The following ALDH1L2 variants were observed in gnomAD, a reference collection of about 807,000 sequenced individuals.
The protein encoded by ALDH1L2 is aldehyde dehydrogenase 1 family member L2, also known as mitochondrial 10-formyltetrahydrofolate dehydrogenase.
In ALDH1L2, 91 loss-of-function variants were observed where a neutral mutation model predicts 111.0. The ratio of observed to expected loss-of-function variants is 0.82; its 90% CI spans 0.69 to 0.98. ALDH1L2 has a LOEUF of 0.98. Ranked by LOEUF, ALDH1L2 falls within the 50% of genes least tolerant of loss-of-function variation. The pLI, the probability that ALDH1L2 is intolerant of heterozygous loss-of-function variation, is 0.00. For synonymous variants in ALDH1L2, 374 were observed against 392.6 expected (o/e 0.95, Z 0.56); for missense variants, 995 against 1,126.8 (o/e 0.88, Z 1.67).
chr12:105,029,047 G>T (rs1405698433), intron 21 of ALDH1L2, among the ~76,000 whole-genome samples: 2 of 137,076 alleles, frequency 1.5e-5, no homozygotes, highest in African/African-American at 5.6e-5. Context: ...TTTTTTTAGA[G>T]GCCAGGCATT....
At chr12:105,069,469 T>G (rs73393861) in intron 3 of ALDH1L2, among the ~76,000 whole-genome samples, 1 of 152,156 alleles carries the variant, frequency 6.6e-6, no homozygotes, top group Non-Finnish European at 1.5e-5. Context: ...TCAGAAATAC[T>G]AAGAAATTGA....
rs1875468988 is a variant in ALDH1L2, at chr12:105,040,506, TAC to T, written c.1951+99_1951+100del. 3.6e-5 allele frequency: 38 copies of T among 1,051,580 alleles called. No homozygotes were observed. The South Asian group carries it at 4.7e-4, about 13-fold the overall frequency. 65.1% of individuals were successfully genotyped at this position (1,051,580 alleles called of 1,614,324 possible). A position where few individuals can be genotyped will look rare whatever the true frequency, so the allele number is the denominator to read the frequency against. On this transcript the variant is annotated intron_variant, in intron 16 of 22. Transcript: ENST00000258494. ...TTTGGTGAATTGTATTTAGTTTTAA[TAC>T]AGTTATAATTCAGGACAAGTCTCTA... is the stretch of plus-strand genomic sequence containing the variant.
chr12:105,036,374 T>C (rs189406275), intron 18 of ALDH1L2, among the ~76,000 whole-genome samples: 1 of 92,278 alleles, frequency 1.1e-5, no homozygotes, highest in Non-Finnish European at 1.9e-5. Flanking sequence ...ATTATATATA[T>C]ACGTATATTT....
intron 15 of ALDH1L2, among the ~76,000 whole-genome samples, chr12:105,045,209 G>C (rs1472291309): frequency 6.6e-6 from 1 of 152,064 alleles, no homozygotes; most frequent in Non-Finnish European, 1.5e-5. Context: ...TCAGCCTCTG[G>C]AGTAGCTGGG....
intron 22 of ALDH1L2, 26 bp from the exon 23 acceptor site, chr12:105,024,505 G>A: frequency 6.2e-7 from 1 of 1,610,716 alleles, no homozygotes; most frequent in Non-Finnish European, 8.5e-7. Flanking sequence ...GCAGTTGACA[G>A]ACCACATTCA....
At chr12:105,032,323 G>A (rs985423897) in intron 19 of ALDH1L2, among the ~76,000 whole-genome samples, 1 of 151,784 alleles carries the variant, frequency 6.6e-6, no homozygotes, top group African/African-American at 2.4e-5. Context: ...GATTACAGGC[G>A]CCTGCCACTG....
rs112388743 is a variant in ALDH1L2 at position 105,049,826 on chromosome 12, AAG to A, written c.1686+80_1686+81del. On this transcript the variant is annotated intron_variant, in intron 13 of 22. Coordinates refer to ENST00000258494, the MANE Select transcript of ALDH1L2 (RefSeq NM_001034173.4). ...GTTGGTGTAAAAAAATCTACATAAA[AAG>A]AGGATCTGACACAGTGCCTGGTACA... is the stretch of plus-strand genomic sequence containing the variant. 6,484 of 1,430,258 alleles carry A rather than the reference AAG, an allele frequency of 4.5e-3. 234 individuals carry two copies. In the African/African-American group the frequency reaches 0.077, roughly 17 times the overall value. 88.6% of individuals were successfully genotyped at this position (1,430,258 alleles called of 1,614,324 possible).
intron 9 of ALDH1L2, among the ~76,000 whole-genome samples, chr12:105,059,625 C>T (rs539516146): frequency 1.3e-5 from 2 of 152,304 alleles, no homozygotes; most frequent in East Asian, 3.9e-4. Context: ...ACTATGTGCT[C>T]TTGAAATGAT....
In ALDH1L2 at chr12:105,060,993, A is replaced by G; in HGVS notation, c.1127T>C (p.Met376Thr). The G allele has an allele frequency of 6.2e-7, 1 of 1,614,028 alleles. No homozygotes were observed. The highest frequency in any genetic ancestry group is 8.5e-7 in the Non-Finnish European group (1 of 1,179,910). ...TDFFKSGASS[M>T]DVARLVEEIR... Reference sequence around the variant, plus strand: ...GGCGTGGTTTTACCTGGCAACATCCATTGAGCTTGCTCCAGATTTAAAGAA... The same window carrying G: ...GGCGTGGTTTTACCTGGCAACATCCGTTGAGCTTGCTCCAGATTTAAAGAA... The change falls in exon 9 of 23, where the codon ATG (methionine) becomes ACG (threonine). Residue 376 changes from methionine (M) to threonine (T), a missense_variant. Met to Thr is a moderately conservative substitution (Grantham distance 81). Transcript: ENST00000258494.
At position 105,070,773 on chromosome 12, in the gene ALDH1L2, C is replaced by T; in HGVS notation, c.225G>A (p.Val75=). ...TGACCCTCCATTTAGGAAGCTTGAACACAGGGGTCCCATCTTTCTCTGCAG... is the reference window on the plus strand; with the variant it reads ...TGACCCTCCATTTAGGAAGCTTGAATACAGGGGTCCCATCTTTCTCTGCAG... ...ALAAEKDGTP[V]FKLPKWRVKG... The change falls in exon 3 of 23, where the codon GTG becomes GTA. Residue 75 remains valine (V), a synonymous_variant. Transcript: ENST00000258494. 6.2e-7 allele frequency: 1 copy of T among 1,614,100 alleles called. No individual in the cohort carries two copies. The highest frequency in any genetic ancestry group is 8.5e-7 in the Non-Finnish European group (1 of 1,180,008).
chr12:105,032,395 C>T (rs1444590887), intron 19 of ALDH1L2, among the ~76,000 whole-genome samples: 7 of 151,948 alleles, frequency 4.6e-5, no homozygotes, highest in Admixed American at 1.3e-4. Flanking sequence ...TCTGCCACCA[C>T]GCTCGGCTAA....
intron 20 of ALDH1L2, among the ~76,000 whole-genome samples, chr12:105,031,461 G>A (rs996048472): frequency 6.6e-6 from 1 of 151,306 alleles, no homozygotes; most frequent in Non-Finnish European, 1.5e-5. Flanking sequence ...TTATCCAGTT[G>A]TCTCCCCTTC....
intron 1 of ALDH1L2, among the ~76,000 whole-genome samples, chr12:105,079,738 A>T (rs1351195453): frequency 2.4e-5 from 1 of 41,424 alleles, no homozygotes; most frequent in Non-Finnish European, 7.8e-5. Flanking sequence ...CCTTACGAAA[A>T]GAAAAGATCA....
chr12:105,039,075 G>A (rs1565953727), intron 17 of ALDH1L2, among the ~76,000 whole-genome samples: 1 of 152,106 alleles, frequency 6.6e-6, no homozygotes, highest in East Asian at 1.9e-4. Context: ...AGTGACCATT[G>A]TTTTTACCAT....
intron 15 of ALDH1L2, among the ~76,000 whole-genome samples, chr12:105,045,935 C>A (rs12812249): frequency 6.6e-6 from 1 of 151,846 alleles, no homozygotes; most frequent in Non-Finnish European, 1.5e-5. Flanking sequence ...GTTTATTTTT[C>A]TTCTAATTTT....
chr12:105,039,926 C>T (rs1368277623), intron 16 of ALDH1L2, 120 bp from the exon 17 acceptor site: 4 of 745,394 alleles, frequency 5.4e-6, no homozygotes, highest in Admixed American at 4.4e-5. Context: ...GTCAGGAGAT[C>T]GAGACCCGCC....
intron 10 of ALDH1L2, among the ~76,000 whole-genome samples, chr12:105,057,532 T>C (rs572942724): frequency 6.6e-6 from 1 of 152,204 alleles, no homozygotes; most frequent in East Asian, 1.9e-4. Context: ...GATGAATGGG[T>C]AAACAAACTG....
intron 2 of ALDH1L2, chr12:105,072,495 C>A (rs560264894): frequency 6.6e-6 from 1 of 152,162 alleles, no homozygotes; most frequent in South Asian, 2.1e-4. Flanking sequence ...TCTGAGAGAC[C>A]AGCACAATAG....
intron 21 of ALDH1L2, among the ~76,000 whole-genome samples, chr12:105,028,871 CT>C (rs1874550960): frequency 2.0e-5 from 3 of 152,172 alleles, no homozygotes; most frequent in Non-Finnish European, 4.4e-5. Flanking sequence ...AAACCATACT[CT>C]ATTATTTGCT....
Sources: allele counts gnomAD v4.1 joint callset (sites outside exome capture counted in the v4.1 genomes callset), GRCh38; gene constraint gnomAD v4.1.1; transcripts MANE v1.5; gene names NCBI Gene and HGNC (gene_info 2026-07-23, HGNC 2026-07-21).